PCDH15: variants seen among roughly 807,000 people sequenced by gnomAD.
PCDH15 encodes the protein protocadherin-15.
In PCDH15, 129 loss-of-function variants were observed where a neutral mutation model predicts 178.5. The observed-to-expected ratio is 0.72, with a 90% CI of 0.63 to 0.84. PCDH15 has a LOEUF of 0.84. Ranked by LOEUF, PCDH15 falls within the 40% of genes least tolerant of loss-of-function variation. PCDH15 has a pLI of 0.00. For missense variants in PCDH15, 2,230 were observed against 2,099.9 expected (o/e 1.06, Z -1.21); for synonymous variants, 800 against 732.0 (o/e 1.09, Z -1.50).
chr10:54,985,432 A>T (rs532749318), intron 2 of PCDH15, among the ~76,000 whole-genome samples: 1 of 152,328 alleles, frequency 6.6e-6, no homozygotes, highest in Non-Finnish European at 1.5e-5. Flanking sequence ...GCCTTGATAA[A>T]TCCACTGTAA....
chr10:54,883,681 A>G (rs889903031), intron 3 of PCDH15, among the ~76,000 whole-genome samples: 3 of 151,968 alleles, frequency 2.0e-5, no homozygotes, highest in Non-Finnish European at 2.9e-5. Context: ...TCATTACACT[A>G]TAGAAATTCA....
At chr10:54,873,762 G>A (rs1230245152) in intron 3 of PCDH15, among the ~76,000 whole-genome samples, 2 of 146,284 alleles carry the variant, frequency 1.4e-5, no homozygotes, top group Non-Finnish European at 3.0e-5. Flanking sequence ...ACATATACGT[G>A]TGTGTGTGTG....
intron 2 of PCDH15, among the ~76,000 whole-genome samples, chr10:54,997,465 T>C (rs1323680623): frequency 6.6e-6 from 1 of 152,192 alleles, no homozygotes; most frequent in Non-Finnish European, 1.5e-5. Context: ...AAAAGTTTCT[T>C]AGGAATTGTC....
At chr10:53,950,650 A>G (rs1243837853) in intron 23 of PCDH15, among the ~76,000 whole-genome samples, 1 of 152,194 alleles carries the variant, frequency 6.6e-6, no homozygotes, top group East Asian at 1.9e-4. Context: ...TTCAGTGTGT[A>G]TAAGTCTTAG....
chr10:54,090,109 G>A (rs756335083), intron 15 of PCDH15, 46 bp from the exon 16 acceptor site: 18 of 1,366,374 alleles, frequency 1.3e-5, no homozygotes, highest in African/African-American at 2.9e-5. Context: ...TTGATATGGC[G>A]CCCACTCATT....
At chr10:55,420,354 C>T (rs1452167162) in intron 2 of PCDH15, among the ~76,000 whole-genome samples, 1 of 151,622 alleles carries the variant, frequency 6.6e-6, no homozygotes, top group African/African-American at 2.4e-5. Flanking sequence ...TACTCTCTGA[C>T]ATTTTACAGA....
chr10:55,369,007 G>GA (rs1845429943), intron 2 of PCDH15, among the ~76,000 whole-genome samples: 1 of 62,762 alleles, frequency 1.6e-5, no homozygotes, highest in African/African-American at 5.1e-5. Flanking sequence ...TCATTTTTGG[G>GA]ACCAAAAAAA....
At chr10:54,394,070 G>T (rs1417969377) in intron 3 of PCDH15, among the ~76,000 whole-genome samples, 1 of 151,876 alleles carries the variant, frequency 6.6e-6, no homozygotes, top group Non-Finnish European at 1.5e-5. Flanking sequence ...GATGAAGAAA[G>T]AAAATGAAAA....
At chr10:55,252,096 TA>T (rs1485384218) in intron 1 of PCDH15, among the ~76,000 whole-genome samples, 1 of 152,198 alleles carries the variant, frequency 6.6e-6, no homozygotes, top group Non-Finnish European at 1.5e-5. Flanking sequence ...GACCAAGCTT[TA>T]AAAAATTATT....
At position 53,806,511 on chromosome 10, in the gene PCDH15, G is replaced by A; in HGVS notation, c.*68C>T. 2 of 1,285,780 alleles carry A rather than the reference G, an allele frequency of 1.6e-6. No individual in the cohort carries two copies. Among genetic ancestry groups the A allele is most frequent in the Non-Finnish European group, 1.1e-6 (1 of 940,518 alleles). The allele number at this position is 1,285,780 out of a possible 1,614,324, so 79.6% of individuals were successfully genotyped here. A position where few individuals can be genotyped will look rare whatever the true frequency, so the allele number is the denominator to read the frequency against. ...AAATTCCATACATTGTTTTCTCAGT[G>A]ACAATAAAAAGCACAGTTTATTAAA... On this transcript the variant is annotated 3_prime_UTR_variant, in exon 38 of 38. Coordinates refer to ENST00000644397, the MANE Select transcript of PCDH15 (RefSeq NM_001384140.1).
chr10:55,208,561 A>G (rs1591990460), intron 1 of PCDH15, among the ~76,000 whole-genome samples: 1 of 151,894 alleles, frequency 6.6e-6, no homozygotes, highest in African/African-American at 2.4e-5. Context: ...TCTTTTCCCA[A>G]TATTGGGAAA....
At position 54,503,225 on chromosome 10, in the gene PCDH15, ATGTG is replaced by A. The variant is rs35951831; in HGVS notation, c.157+24583_157+24586del. Among the ~76,000 whole-genome samples the A allele has an allele frequency of 5.0e-3, 417 of 83,770 alleles. 4 individuals carry two copies. The South Asian group carries it at 0.086, about 17-fold the overall frequency. 55.0% of individuals were successfully genotyped at this position (83,770 alleles called of 152,430 possible). A position where few individuals can be genotyped will look rare whatever the true frequency, so the allele number is the denominator to read the frequency against. On this transcript the variant is annotated intron_variant, in intron 3 of 37. Coordinates refer to ENST00000644397, the MANE Select transcript of PCDH15 (RefSeq NM_001384140.1). Reference sequence around the variant, plus strand: ...AATCCCAGGCCAAATATACATATATATGTGTGTGTGTGTGTGTGTGTGTGTGTGT... The same window carrying A: ...AATCCCAGGCCAAATATACATATATATGTGTGTGTGTGTGTGTGTGTGTGT...
intron 3 of PCDH15, among the ~76,000 whole-genome samples, chr10:54,488,672 GA>G (rs1238344927): frequency 6.6e-6 from 1 of 151,912 alleles, no homozygotes; most frequent in African/African-American, 2.4e-5. Flanking sequence ...TTTATTAAGG[GA>G]AAATGAGAGC....
Position 53,903,298 on chromosome 10 carries a change from T to TAGA in PCDH15, c.3443_3445dup (p.Phe1148dup). 6.2e-7 allele frequency: 1 copy of TAGA among 1,613,244 alleles called. No individual in the cohort carries two copies. The highest frequency in any genetic ancestry group is 1.1e-5 in the South Asian group (1 of 91,064). On this transcript the variant is annotated inframe_insertion, in exon 26 of 38. Transcript: ENST00000644397. ...TGCATCTTCAGATACACCTCCGATG[T>TAGA]AGAATTTTTTCTGAAACACTGGGGG...
At chr10:54,816,006 G>A (rs1323004037) in intron 3 of PCDH15, among the ~76,000 whole-genome samples, 1 of 152,042 alleles carries the variant, frequency 6.6e-6, no homozygotes, top group East Asian at 1.9e-4. Flanking sequence ...TAGTAATTAA[G>A]TTTGGGGAAA....
chr10:53,942,664 T>A (rs1171980812), intron 23 of PCDH15, among the ~76,000 whole-genome samples: 2 of 152,126 alleles, frequency 1.3e-5, no homozygotes, highest in Admixed American at 1.3e-4. Context: ...TAGTCCAACA[T>A]CCCACAAGAA....
intron 1 of PCDH15, among the ~76,000 whole-genome samples, chr10:55,249,468 G>T (rs1348140473): frequency 6.6e-6 from 1 of 152,168 alleles, no homozygotes; most frequent in Admixed American, 6.6e-5. Flanking sequence ...TACAAATTGG[G>T]AGAAGACATT....
At chr10:55,465,706 G>A (rs980010938) in intron 2 of PCDH15, among the ~76,000 whole-genome samples, 5 of 151,974 alleles carry the variant, frequency 3.3e-5, no homozygotes, top group African/African-American at 7.3e-5. Flanking sequence ...GTATTTGCCC[G>A]GAGCTACCAG....
At chr10:54,361,012 A>T (rs533568303) in intron 5 of PCDH15, among the ~76,000 whole-genome samples, 1 of 152,278 alleles carries the variant, frequency 6.6e-6, no homozygotes, top group Non-Finnish European at 1.5e-5. Flanking sequence ...CAAAAATATA[A>T]CTAGAAATAT....
Sources: allele counts gnomAD v4.1 joint callset (sites outside exome capture counted in the v4.1 genomes callset), GRCh38; gene constraint gnomAD v4.1.1; transcripts MANE v1.5; gene names NCBI Gene and HGNC (gene_info 2026-07-23, HGNC 2026-07-21).